Variants in SCG5 observed in about 807,000 individuals in gnomAD.
SCG5 encodes the protein neuroendocrine protein 7B2.
SCG5 carries 18 observed loss-of-function variants against 25.7 expected under a neutral mutation model. The observed-to-expected ratio is 0.70, with a 90% CI of 0.48 to 1.04. The LOEUF (loss-of-function observed/expected upper bound fraction) is 1.04. SCG5 is among the 50% of genes least tolerant of loss of function. SCG5 has a pLI of 0.00. For missense variants in SCG5, 206 were observed against 259.8 expected (o/e 0.79, Z 1.42); for synonymous variants, 101 against 91.7 (o/e 1.10, Z -0.58).
At chr15:32,676,779 T>C (rs991432876) in intron 2 of SCG5, among the ~76,000 whole-genome samples, 1 of 152,170 alleles carries the variant, frequency 6.6e-6, no homozygotes, top group Admixed American at 6.5e-5. Context: ...TAAATCAACA[T>C]CTGATTTATC....
intron 2 of SCG5, among the ~76,000 whole-genome samples, chr15:32,663,032 AATATATATATATATATATATATATATAT>A (rs67571496): frequency 0.018 from 1,413 of 79,298 alleles, 58 homozygotes; most frequent in African/African-American, 0.046. Flanking sequence ...AAAAAAAAAG[AATATATATATATATATATATATATATAT>A]ATATATATAT....
chr15:32,688,958 C>CAAAAAAAAAAAA (rs778404784), intron 4 of SCG5, among the ~76,000 whole-genome samples: 2 of 46,384 alleles, frequency 4.3e-5, no homozygotes, highest in Non-Finnish European at 1.2e-4. Context: ...GACTCCGTCT[C>CAAAAAAAAAAAA]AAAAAAAAAA....
At position 32,696,879 on chromosome 15, in the gene SCG5, G is replaced by A. The variant is rs200202547; in HGVS notation, c.*270G>A. The A allele has an allele frequency of 2.2e-5, 7 of 323,084 alleles. No individual in the cohort carries two copies. Among genetic ancestry groups the A allele is most frequent in the Non-Finnish European group, 4.0e-5 (7 of 174,016 alleles). The allele number at this position is 323,084 out of a possible 1,614,324, so 20.0% of individuals were successfully genotyped here. A position where few individuals can be genotyped will look rare whatever the true frequency, so the allele number is the denominator to read the frequency against. On this transcript the variant is annotated 3_prime_UTR_variant, in exon 6 of 6. Transcript: ENST00000300175. ...AAAATGTGAATGTCAACAATAAAAA[G>A]CAAGACTATGAAAGGCTCAGATTTC...
intron 2 of SCG5, among the ~76,000 whole-genome samples, chr15:32,644,354 A>G (rs2053911369): frequency 6.6e-6 from 1 of 152,254 alleles, no homozygotes; most frequent in Non-Finnish European, 1.5e-5. Flanking sequence ...AGAGGAGACA[A>G]AAGAGGTACT....
rs527536899 is a variant in SCG5, at chr15:32,669,584, T to C, written c.227-10182T>C. ...AGTATAAAGACATGCTTAGCCTTCATACAAATTGCCAAGTTGAGACTTCAT... is the reference window on the plus strand; with the variant it reads ...AGTATAAAGACATGCTTAGCCTTCACACAAATTGCCAAGTTGAGACTTCAT... On this transcript the variant is annotated intron_variant, in intron 2 of 5. Transcript: ENST00000300175. Among the ~76,000 whole-genome samples, 14 of 152,306 alleles carry C rather than the reference T, an allele frequency of 9.2e-5. No homozygotes were observed. The South Asian group carries it at 2.9e-3, about 32-fold the overall frequency.
chr15:32,645,519 A>T (rs1373861518), intron 2 of SCG5, among the ~76,000 whole-genome samples: 1 of 152,190 alleles, frequency 6.6e-6, no homozygotes, highest in Non-Finnish European at 1.5e-5. Context: ...GTTTTGATAG[A>T]TGTACACACA....
chr15:32,648,783 TAA>T (rs1212922715), intron 2 of SCG5, among the ~76,000 whole-genome samples: 24,929 of 131,168 alleles, frequency 0.19, 2,352 homozygotes, highest in South Asian at 0.29. Context: ...TTTTTTTTTT[TAA>T]AAAAAAAACA....
intron 4 of SCG5, among the ~76,000 whole-genome samples, chr15:32,685,395 A>T (rs2054691322): frequency 6.6e-6 from 1 of 152,200 alleles, no homozygotes; most frequent in African/African-American, 2.4e-5. Flanking sequence ...ATTTGACAAG[A>T]TCGTTTTATG....
chr15:32,661,527 G>A (rs2054217963), intron 2 of SCG5, among the ~76,000 whole-genome samples: 1 of 152,222 alleles, frequency 6.6e-6, no homozygotes. Flanking sequence ...GGCTGAGGCA[G>A]GAGAATCACT....
At chr15:32,694,521 A>T in intron 5 of SCG5, among the ~76,000 whole-genome samples, 1 of 152,254 alleles carries the variant, frequency 6.6e-6, no homozygotes, top group Non-Finnish European at 1.5e-5. Flanking sequence ...CTCATATTTG[A>T]TAAACTTGAA....
intron 2 of SCG5, among the ~76,000 whole-genome samples, chr15:32,679,192 TC>T (rs2054575108): frequency 1.1e-5 from 1 of 91,776 alleles, no homozygotes; most frequent in Non-Finnish European, 2.9e-5. Flanking sequence ...TTTCCCATGC[TC>T]TTTTTTTTTT....
At chr15:32,687,637 C>T (rs1175514624) in intron 4 of SCG5, among the ~76,000 whole-genome samples, 2 of 152,200 alleles carry the variant, frequency 1.3e-5, no homozygotes, top group Non-Finnish European at 2.9e-5. Flanking sequence ...GAGTCATCAT[C>T]TTTCATGATA....
chr15:32,664,961 G>T (rs999812966), intron 2 of SCG5, among the ~76,000 whole-genome samples: 2 of 152,174 alleles, frequency 1.3e-5, no homozygotes, highest in African/African-American at 4.8e-5. Context: ...CCAGCCTCTA[G>T]GAGGTCTCCA....
intron 2 of SCG5, among the ~76,000 whole-genome samples, chr15:32,648,258 A>C (rs1024363422): frequency 3.3e-5 from 5 of 152,120 alleles, no homozygotes; most frequent in Non-Finnish European, 7.4e-5. Context: ...ATCCATGTGC[A>C]ATTTCCTGTC....
intron 3 of SCG5, among the ~76,000 whole-genome samples, chr15:32,683,728 A>G (rs558232551): frequency 2.6e-5 from 4 of 152,214 alleles, no homozygotes; most frequent in Admixed American, 1.3e-4. Context: ...GCCTATCTAT[A>G]TCTTAGGAGC....
intron 2 of SCG5, among the ~76,000 whole-genome samples, chr15:32,647,160 T>G (rs1431807168): frequency 6.6e-6 from 1 of 152,178 alleles, no homozygotes; most frequent in Non-Finnish European, 1.5e-5. Flanking sequence ...TAAATTCACT[T>G]ACTTGTAAGC....
intron 2 of SCG5, among the ~76,000 whole-genome samples, chr15:32,671,561 T>G (rs1333635191): frequency 6.6e-6 from 1 of 152,098 alleles, no homozygotes; most frequent in African/African-American, 2.4e-5. Context: ...GACAATAGCG[T>G]GTGGTGGAAC....
chr15:32,655,365 C>G (rs1178847079), intron 2 of SCG5, among the ~76,000 whole-genome samples: 1 of 152,070 alleles, frequency 6.6e-6, no homozygotes, highest in Non-Finnish European at 1.5e-5. Flanking sequence ...TGATCCTAAG[C>G]AAAATGAATT....
intron 3 of SCG5, among the ~76,000 whole-genome samples, chr15:32,683,000 A>G (rs2054646757): frequency 6.6e-6 from 1 of 152,220 alleles, no homozygotes; most frequent in Non-Finnish European, 1.5e-5. Context: ...AGAAACAATT[A>G]TGAAAGGTTA....
Sources: allele counts gnomAD v4.1 joint callset (sites outside exome capture counted in the v4.1 genomes callset), GRCh38; gene constraint gnomAD v4.1.1; transcripts MANE v1.5; gene names NCBI Gene and HGNC (gene_info 2026-07-23, HGNC 2026-07-21).